Variants in AUH observed in about 807,000 individuals in gnomAD.
The protein encoded by AUH is AU RNA binding methylglutaconyl-CoA hydratase, also known as methylglutaconyl-CoA hydratase, mitochondrial.
A neutral mutation model predicts 42.3 loss-of-function variants in AUH; 29 were observed. The ratio of observed to expected loss-of-function variants is 0.69; its 90% CI spans 0.51 to 0.93. The LOEUF (loss-of-function observed/expected upper bound fraction) is 0.93, where lower values mean the gene tolerates loss of function less well. Among genes scored for constraint, AUH ranks in the 40% least tolerant of loss-of-function variants. The pLI is 0.00. For synonymous variants in AUH, 174 were observed against 166.4 expected (o/e 1.05, Z -0.35); for missense variants, 452 against 438.1 (o/e 1.03, Z -0.28).
intron 6 of AUH, among the ~76,000 whole-genome samples, chr9:91,268,820 CCATA>C (rs1305442349): frequency 6.6e-6 from 1 of 152,138 alleles, no homozygotes; most frequent in African/African-American, 2.4e-5. Flanking sequence ...TGAGGTAAAT[CCATA>C]CATATTCAAT....
intron 4 of AUH, among the ~76,000 whole-genome samples, chr9:91,310,002 A>G (rs1254302225): frequency 1.3e-5 from 2 of 152,072 alleles, no homozygotes; most frequent in African/African-American, 4.8e-5. Flanking sequence ...CATAGCATTA[A>G]CATTCTGATG....
intron 6 of AUH, among the ~76,000 whole-genome samples, chr9:91,248,376 T>C (rs919761140): frequency 5.3e-5 from 8 of 152,342 alleles, no homozygotes; most frequent in African/African-American, 1.9e-4. Flanking sequence ...ATAAAGGACA[T>C]AACTTTTTCC....
rs183096965 is a variant in AUH at position 91,313,910 on chromosome 9, G to A, written c.505+11408C>T. Among the ~76,000 whole-genome samples the A allele has an allele frequency of 1.9e-3, 273 of 145,976 alleles. 2 individuals carry two copies. The South Asian group carries it at 0.022, about 12-fold the overall frequency. On this transcript the variant is annotated intron_variant, in intron 4 of 9. Transcript: ENST00000375731. ...ACGATCTCGGCTCATTGCAACCTCCGCCTCCTAAGTTCAAGTGATGCTCGT... is the reference window on the plus strand; with the variant it reads ...ACGATCTCGGCTCATTGCAACCTCCACCTCCTAAGTTCAAGTGATGCTCGT...
At chr9:91,343,562 G>A (rs1222196227) in intron 3 of AUH, among the ~76,000 whole-genome samples, 1 of 152,116 alleles carries the variant, frequency 6.6e-6, no homozygotes, top group East Asian at 1.9e-4. Context: ...CCAGGAGTCC[G>A]AGACCAGCCT....
intron 6 of AUH, among the ~76,000 whole-genome samples, chr9:91,292,161 G>T (rs1434833484): frequency 6.6e-6 from 1 of 151,800 alleles, no homozygotes; most frequent in Admixed American, 6.6e-5. Context: ...TTTTTTCATA[G>T]GAATAGAAGA....
intron 8 of AUH, 128 bp from the exon 9 acceptor site, chr9:91,216,234 G>A: frequency 2.1e-6 from 2 of 934,894 alleles, no homozygotes; most frequent in Non-Finnish European, 3.4e-6. Flanking sequence ...CAGCAGATCA[G>A]AGTGTGACCA....
At chr9:91,224,747 G>A (rs937463715) in intron 6 of AUH, among the ~76,000 whole-genome samples, 7 of 152,026 alleles carry the variant, frequency 4.6e-5, no homozygotes, top group Non-Finnish European at 1.0e-4. Context: ...CATTTGTTTG[G>A]CAAGAAATTA....
intron 4 of AUH, among the ~76,000 whole-genome samples, chr9:91,300,296 A>G (rs1429514861): frequency 6.6e-6 from 1 of 152,108 alleles, no homozygotes; most frequent in East Asian, 1.9e-4. Flanking sequence ...CTCTACCTCA[A>G]ACCCAAACAG....
At chr9:91,318,205 A>G (rs1829304448) in intron 4 of AUH, among the ~76,000 whole-genome samples, 2 of 151,974 alleles carry the variant, frequency 1.3e-5, no homozygotes, top group African/African-American at 4.8e-5. Flanking sequence ...AATCTCTATC[A>G]TCAAAAAACT....
intron 6 of AUH, among the ~76,000 whole-genome samples, chr9:91,263,788 CATA>C (rs1829824936): frequency 6.6e-6 from 1 of 152,156 alleles, no homozygotes; most frequent in Non-Finnish European, 1.5e-5. Context: ...AATAATTTTA[CATA>C]ATGTCTACTG....
At chr9:91,248,758 A>C (rs758817452) in intron 6 of AUH, among the ~76,000 whole-genome samples, 1 of 152,186 alleles carries the variant, frequency 6.6e-6, no homozygotes, top group Non-Finnish European at 1.5e-5. Flanking sequence ...CCTCACAACA[A>C]CATTATAAAG....
At chr9:91,340,278 C>T (rs1030051064) in intron 3 of AUH, among the ~76,000 whole-genome samples, 1 of 151,954 alleles carries the variant, frequency 6.6e-6, no homozygotes, top group Non-Finnish European at 1.5e-5. Context: ...TCCTATCTGT[C>T]ACAAAACAAA....
chr9:91,258,474 A>T (rs1171333266), intron 6 of AUH, among the ~76,000 whole-genome samples: 6 of 152,130 alleles, frequency 3.9e-5, no homozygotes, highest in Admixed American at 1.3e-4. Flanking sequence ...ACTTCAGGTG[A>T]TCCACCCGCC....
chr9:91,240,844 C>T (rs1031274038), intron 6 of AUH, among the ~76,000 whole-genome samples: 1 of 151,954 alleles, frequency 6.6e-6, no homozygotes, highest in Non-Finnish European at 1.5e-5. Context: ...CTTGACATGA[C>T]CTACAGTTCA....
chr9:91,264,229 A>G (rs1414946242), intron 6 of AUH, among the ~76,000 whole-genome samples: 6 of 152,184 alleles, frequency 3.9e-5, no homozygotes, highest in Non-Finnish European at 7.3e-5. Flanking sequence ...TCATAATCTG[A>G]CCACTACAAT....
chr9:91,230,541 T>C (rs970476963), intron 6 of AUH, among the ~76,000 whole-genome samples: 1 of 152,238 alleles, frequency 6.6e-6, no homozygotes. Context: ...TCTGAAGCCT[T>C]CTTCTCTCAG....
At position 91,220,989 on chromosome 9, in the gene AUH, C is replaced by G; in HGVS notation, c.659G>C (p.Gly220Ala). 1.2e-6 allele frequency: 2 copies of G among 1,614,090 alleles called. No individual in the cohort carries two copies. The highest frequency in any genetic ancestry group is 1.7e-6 in the Non-Finnish European group (2 of 1,180,022). ...AATGGCGCGTGGCAATCGCTGTGTC[C>G]CCCCTGAGGGGTGAAAGAGAGAGAA... is the stretch of plus-strand genomic sequence containing the variant. ...TKLAIIPGGG[G>A]TQRLPRAIGM... The change falls in exon 7 of 10, where the codon GGG (glycine) becomes GCG (alanine). Residue 220 changes from glycine to alanine, a missense_variant. Coordinates refer to ENST00000375731, the MANE Select transcript of AUH (RefSeq NM_001698.3).
chr9:91,270,492 T>C (rs1198416580), intron 6 of AUH, among the ~76,000 whole-genome samples: 1 of 152,210 alleles, frequency 6.6e-6, no homozygotes, highest in East Asian at 1.9e-4. Flanking sequence ...CTACTGTAGA[T>C]TCTCAATAAG....
At chr9:91,234,733 C>T (rs185352156) in intron 6 of AUH, among the ~76,000 whole-genome samples, 182 of 151,064 alleles carry the variant, frequency 1.2e-3, no homozygotes, top group Admixed American at 5.3e-3. Context: ...CATTCCTTAC[C>T]ATTCTGCAGA....
Sources: allele counts gnomAD v4.1 joint callset (sites outside exome capture counted in the v4.1 genomes callset), GRCh38; gene constraint gnomAD v4.1.1; transcripts MANE v1.5; gene names NCBI Gene and HGNC (gene_info 2026-07-23, HGNC 2026-07-21).